Variants in DDX43 observed in about 807,000 individuals in gnomAD.
DDX43 encodes the protein probable ATP-dependent RNA helicase DDX43.
Under a neutral mutation model 84.9 loss-of-function variants are expected in DDX43, and 50 were observed. The ratio of observed to expected loss-of-function variants is 0.59; its 90% CI spans 0.47 to 0.75. The LOEUF is 0.75. Among genes scored for constraint, DDX43 ranks in the 30% least tolerant of loss-of-function variants. The probability of loss-of-function intolerance (pLI) is 0.00; values close to 1 mark genes in which losing one functional copy is unlikely to be tolerated. For missense variants in DDX43, 689 were observed against 798.6 expected (o/e 0.86, Z 1.65); for synonymous variants, 291 against 266.3 (o/e 1.09, Z -0.90).
intron 1 of DDX43, 47 bp downstream of exon 1, chr6:73,395,202 C>G (rs772839079): frequency 6.5e-7 from 1 of 1,544,962 alleles, no homozygotes; most frequent in South Asian, 1.2e-5. Flanking sequence ...GGGCCAGGGG[C>G]GGAGCCTGGG....
chr6:73,396,364 A>T (rs1028488516), intron 1 of DDX43, among the ~76,000 whole-genome samples: 2 of 152,192 alleles, frequency 1.3e-5, no homozygotes, highest in Non-Finnish European at 2.9e-5. Flanking sequence ...ACCCTTTTTA[A>T]AACCTGAGAA....
At chr6:73,399,816 A>C (rs188376040) in intron 2 of DDX43, among the ~76,000 whole-genome samples, 1 of 152,140 alleles carries the variant, frequency 6.6e-6, no homozygotes, top group Non-Finnish European at 1.5e-5. Flanking sequence ...AGTTCAGTGA[A>C]CTCTCTATAT....
intron 14 of DDX43, 68 bp from the exon 15 acceptor site, chr6:73,415,429 G>T: frequency 5.2e-6 from 6 of 1,152,068 alleles, no homozygotes; most frequent in Non-Finnish European, 7.6e-6. Flanking sequence ...CTGTGAAAAA[G>T]TTTTCATTTG....
At chr6:73,408,865 G>A (rs540866571) in intron 9 of DDX43, among the ~76,000 whole-genome samples, 10 of 152,246 alleles carry the variant, frequency 6.6e-5, no homozygotes, top group East Asian at 1.9e-4. Context: ...TATGGCTGTC[G>A]ATTTTATAAT....
Position 73,395,381 on chromosome 6 carries a change from G to A in DDX43, c.250+226G>A, listed in dbSNP as rs992858691. ...GTATTTTGGGAGGCCGAGGCGGGCG[G>A]ATCACCCCAGGTCAGGAATTCGAGA... On this transcript the variant is annotated intron_variant, in intron 1 of 16. Transcript: ENST00000370336. 4.6e-5 allele frequency among the ~76,000 whole-genome samples: 7 copies of A among 152,262 alleles called. No individual in the cohort carries two copies. The South Asian group carries it at 1.2e-3, about 27-fold the overall frequency.
rs1769886401 is a variant in DDX43 at position 73,415,597 on chromosome 6, A to G, written c.1833+13A>G. The G allele has an allele frequency of 6.4e-7, 1 of 1,566,074 alleles. No homozygotes were observed. Among genetic ancestry groups the G allele is most frequent in the East Asian group, 2.3e-5 (1 of 44,332 alleles). On this transcript the variant is annotated intron_variant, in intron 15 of 16. Coordinates refer to ENST00000370336, the MANE Select transcript of DDX43 (RefSeq NM_018665.3). ...AAGAGCAAATCAGGTGAGACTATGC[A>G]ATTCATTAGAAATCTACCTGTTATC...
rs371134240 is a variant in DDX43 at position 73,401,689 on chromosome 6, C to T, written c.437-170C>T. Among the ~76,000 whole-genome samples, 38 of 151,286 alleles carry T rather than the reference C, an allele frequency of 2.5e-4. No individual in the cohort carries two copies. In the East Asian group the frequency reaches 6.3e-3, roughly 25 times the overall value. ...TTGCGGCGTGTGCCTGTACTCCCAG[C>T]TGCTGGGGAGGCTGAGGCAAGAGAA... On this transcript the variant is annotated intron_variant, in intron 3 of 16. Coordinates refer to ENST00000370336, the MANE Select transcript of DDX43 (RefSeq NM_018665.3).
intron 4 of DDX43, among the ~76,000 whole-genome samples, chr6:73,403,331 G>A (rs1328886615): frequency 3.9e-5 from 6 of 152,082 alleles, no homozygotes; most frequent in South Asian, 2.1e-4. Context: ...TTAGCTGGGC[G>A]CGGTGGCACA....
At chr6:73,416,855 G>A (rs1348566144) in intron 16 of DDX43, among the ~76,000 whole-genome samples, 3 of 152,126 alleles carry the variant, frequency 2.0e-5, no homozygotes, top group Admixed American at 1.3e-4. Flanking sequence ...CCTGGCCAAC[G>A]TGGCAAAACC....
Position 73,416,238 on chromosome 6 carries a change from C to T in DDX43, c.*12C>T, listed in dbSNP as rs1238658596. The T allele has an allele frequency of 2.2e-6, 3 of 1,380,510 alleles. No individual in the cohort carries two copies. The highest frequency in any genetic ancestry group is 3.1e-6 in the Non-Finnish European group (3 of 968,490). 85.5% of individuals were successfully genotyped at this position (1,380,510 alleles called of 1,614,324 possible). On this transcript the variant is annotated 3_prime_UTR_variant, in exon 16 of 17. Coordinates refer to ENST00000370336, the MANE Select transcript of DDX43 (RefSeq NM_018665.3). Reference sequence around the variant, plus strand: ...AGAAGTTTCATTAATGTCTTCTGTACTAGTGGGGTAGAGGTAAAAGTTCAA... The same window carrying T: ...AGAAGTTTCATTAATGTCTTCTGTATTAGTGGGGTAGAGGTAAAAGTTCAA...
intron 4 of DDX43, among the ~76,000 whole-genome samples, chr6:73,402,607 T>TCTTG (rs1367812692): frequency 6.6e-6 from 1 of 151,976 alleles, no homozygotes; most frequent in Non-Finnish European, 1.5e-5. Context: ...TGAGGTAGGG[T>TCTTG]CTTGCTCTGT....
intron 10 of DDX43, among the ~76,000 whole-genome samples, chr6:73,410,421 C>T (rs1158865828): frequency 1.3e-5 from 2 of 152,152 alleles, no homozygotes; most frequent in Non-Finnish European, 2.9e-5. Flanking sequence ...GTCTAGGCCT[C>T]CCAAAGTGCT....
chr6:73,412,519 A>AGTGT lies in DDX43; in HGVS notation c.1368+242_1368+245dup, dbSNP rs781043774. On this transcript the variant is annotated intron_variant, in intron 11 of 16. Transcript: ENST00000370336. ...TATGTATAGAGAGAGAGAGAGAGAGAGTGTGTGTGTGTGTGTGTTTGTGTC... is the reference window on the plus strand; with the variant it reads ...TATGTATAGAGAGAGAGAGAGAGAGAGTGTGTGTGTGTGTGTGTGTGTTTGTGTC... Among the ~76,000 whole-genome samples the AGTGT allele has an allele frequency of 1.3e-4, 20 of 149,772 alleles. 1 individual carries two copies. In the East Asian group the frequency reaches 3.3e-3, roughly 25 times the overall value.
intron 11 of DDX43, among the ~76,000 whole-genome samples, chr6:73,412,629 T>TAA (rs1769809530): frequency 1.6e-5 from 1 of 63,188 alleles, no homozygotes; most frequent in Non-Finnish European, 3.7e-5. Context: ...TCAAGTGATA[T>TAA]ATATATATAG....
intron 4 of DDX43, among the ~76,000 whole-genome samples, chr6:73,402,568 C>T (rs1343433979): frequency 6.6e-6 from 1 of 152,002 alleles, no homozygotes; most frequent in African/African-American, 2.4e-5. Flanking sequence ...GCACTGTGCC[C>T]AGCCTTGTTT....
chr6:73,400,174 G>C (rs1056515919), intron 2 of DDX43, 60 bp from the exon 3 acceptor site: 16 of 1,475,116 alleles, frequency 1.1e-5, no homozygotes, highest in Middle Eastern at 2.5e-4. Flanking sequence ...GGGGCTTAGG[G>C]AACTTTTTAT....
intron 9 of DDX43, 30 bp from the exon 10 acceptor site, chr6:73,409,218 A>T: frequency 6.4e-7 from 1 of 1,562,310 alleles, no homozygotes; most frequent in Non-Finnish European, 8.8e-7. Flanking sequence ...CCCATATCTA[A>T]TCTAACCACA....
At chr6:73,413,229 A>G (rs949016655) in intron 11 of DDX43, among the ~76,000 whole-genome samples, 10 of 152,294 alleles carry the variant, frequency 6.6e-5, no homozygotes, top group African/African-American at 2.4e-4. Flanking sequence ...TCATTAATAA[A>G]TGAAATTGGC....
At chr6:73,407,827 T>C in intron 8 of DDX43, 133 bp from the exon 9 acceptor site, 1 of 877,954 alleles carries the variant, frequency 1.1e-6, no homozygotes, top group Non-Finnish European at 1.8e-6. Flanking sequence ...TTGATGGGTG[T>C]ACATAATTCT....
Sources: gnomAD v4.1 joint callset for allele counts (sites outside exome capture counted in the v4.1 genomes callset) on GRCh38, gnomAD v4.1.1 for gene constraint, MANE v1.5 for transcripts, NCBI Gene and HGNC (gene_info 2026-07-23, HGNC 2026-07-21) for gene names.